The following KLF12 variants were observed in gnomAD, a reference collection of about 807,000 sequenced individuals.
The protein encoded by KLF12 is KLF transcription factor 12, also known as Krueppel-like factor 12.
KLF12 carries 9 observed loss-of-function variants against 37.8 expected under a neutral mutation model. That is an observed-to-expected ratio of 0.24 (90% CI 0.14 to 0.42). The LOEUF (loss-of-function observed/expected upper bound fraction) is 0.42. Ranked by LOEUF, KLF12 falls within the 10% of genes least tolerant of loss-of-function variation. KLF12 has a pLI of 1.00. For synonymous variants in KLF12, 208 were observed against 202.1 expected (o/e 1.03, Z -0.25); for missense variants, 411 against 516.0 (o/e 0.80, Z 1.97).
At chr13:73,874,266 T>C (rs1456859343) in intron 3 of KLF12, among the ~76,000 whole-genome samples, 1 of 152,202 alleles carries the variant, frequency 6.6e-6, no homozygotes, top group East Asian at 1.9e-4. Flanking sequence ...AATAGACAGT[T>C]CTACATAGGT....
intron 3 of KLF12, among the ~76,000 whole-genome samples, chr13:73,864,328 G>A (rs573049700): frequency 6.6e-6 from 1 of 152,046 alleles, no homozygotes; most frequent in African/African-American, 2.4e-5. Flanking sequence ...CCAGTGAGTG[G>A]GATTAAATTA....
chr13:73,979,998 G>A (rs1452426454), intron 2 of KLF12, among the ~76,000 whole-genome samples: 4 of 152,090 alleles, frequency 2.6e-5, no homozygotes, highest in Non-Finnish European at 5.9e-5. Flanking sequence ...CCAGAGAGGG[G>A]GCCTCAGAAA....
chr13:73,971,749 G>C (rs1469272165), intron 2 of KLF12, among the ~76,000 whole-genome samples: 1 of 152,110 alleles, frequency 6.6e-6, no homozygotes, highest in Non-Finnish European at 1.5e-5. Context: ...GAGCTAACAG[G>C]CTCGGCACAA....
At chr13:74,246,089 T>C in the KLF12 span, among the ~76,000 whole-genome samples, 6 of 152,212 alleles carry the variant, frequency 3.9e-5, no homozygotes, top group Non-Finnish European at 7.3e-5. Flanking sequence ...CAAGTGTGCC[T>C]TCCCCAAATG....
In KLF12 at chr13:73,878,723, C is replaced by T. The variant is rs187329343; in HGVS notation, c.124-32350G>A. Among the ~76,000 whole-genome samples the T allele has an allele frequency of 3.3e-5, 5 of 152,218 alleles. No homozygotes were observed. The East Asian group carries it at 9.6e-4, about 29-fold the overall frequency. On this transcript the variant is annotated intron_variant, in intron 3 of 7. Coordinates refer to ENST00000377669, the MANE Select transcript of KLF12 (RefSeq NM_007249.5). ...ACTGAGATTGGGTGTTCATAGAAGG[C>T]CTGCCTGATAAAGTGAGACGTGATC...
chr13:74,014,360 T>C (rs1378000607), intron 1 of KLF12, among the ~76,000 whole-genome samples: 1 of 152,208 alleles, frequency 6.6e-6, no homozygotes, highest in Non-Finnish European at 1.5e-5. Context: ...AATAAAACAT[T>C]AAAACAGCCA....
At chr13:74,266,631 A>G in the KLF12 span, among the ~76,000 whole-genome samples, 1 of 152,198 alleles carries the variant, frequency 6.6e-6, no homozygotes, top group Non-Finnish European at 1.5e-5. Flanking sequence ...GTGACTAATT[A>G]GTAGCCTGAG....
At chr13:74,105,266 G>C (rs1236554212) in intron 1 of KLF12, among the ~76,000 whole-genome samples, 2 of 152,120 alleles carry the variant, frequency 1.3e-5, no homozygotes, top group Non-Finnish European at 2.9e-5. Context: ...TAAAATAGCA[G>C]TATTTTCTAG....
chr13:74,099,661 A>G (rs139836504), intron 1 of KLF12, among the ~76,000 whole-genome samples: 1 of 152,252 alleles, frequency 6.6e-6, no homozygotes, highest in African/African-American at 2.4e-5. Context: ...CATGCAGGGT[A>G]CCAAGGAAGC....
chr13:74,032,337 T>C (rs937935190), intron 1 of KLF12, among the ~76,000 whole-genome samples: 4 of 152,132 alleles, frequency 2.6e-5, no homozygotes, highest in Admixed American at 2.6e-4. Flanking sequence ...GATAATTGCA[T>C]CTAGATACAT....
chr13:74,192,135 C>T, the KLF12 span, among the ~76,000 whole-genome samples: 1 of 151,852 alleles, frequency 6.6e-6, no homozygotes, highest in Non-Finnish European at 1.5e-5. Flanking sequence ...AGCAGAAGAA[C>T]CAATCAAGAG....
chr13:73,932,756 G>C (rs182957273), intron 3 of KLF12, among the ~76,000 whole-genome samples: 171 of 152,236 alleles, frequency 1.1e-3, no homozygotes, highest in Admixed American at 2.0e-3. Flanking sequence ...TAAGGTGAAA[G>C]AGTGATTCAA....
At chr13:74,038,387 C>T (rs1342447592) in intron 1 of KLF12, among the ~76,000 whole-genome samples, 1 of 152,194 alleles carries the variant, frequency 6.6e-6, no homozygotes, top group Non-Finnish European at 1.5e-5. Flanking sequence ...CCTAGCATTG[C>T]TCTACATGCT....
At chr13:74,275,945 A>T in the KLF12 span, among the ~76,000 whole-genome samples, 2 of 106,852 alleles carry the variant, frequency 1.9e-5, no homozygotes, top group Admixed American at 9.7e-5. Flanking sequence ...TTGCTCTATT[A>T]CTTTTATTTA....
In KLF12 at chr13:73,813,193, T is replaced by C; in HGVS notation, c.765A>G (p.Glu255=). 1 of 1,614,088 alleles carries C rather than the reference T, an allele frequency of 6.2e-7. No homozygotes were observed. The highest frequency in any genetic ancestry group is 8.5e-7 in the Non-Finnish European group (1 of 1,179,952). The change falls in exon 5 of 8, where the codon GAA becomes GAG. Residue 255 remains glutamate, a synonymous_variant. Transcript: ENST00000377669. Reference sequence around the variant, plus strand: ...CTATGGAAAGGGCCGTAGATCCAGTTTCATTAACGCTATCTAAGGTCACAT... The same window carrying C: ...CTATGGAAAGGGCCGTAGATCCAGTCTCATTAACGCTATCTAAGGTCACAT...
At chr13:73,836,351 G>GA (rs1182799598) in intron 4 of KLF12, among the ~76,000 whole-genome samples, 1 of 151,960 alleles carries the variant, frequency 6.6e-6, no homozygotes, top group Non-Finnish European at 1.5e-5. Flanking sequence ...AAGGGAGTAA[G>GA]AAAAAAACAG....
At chr13:73,995,911 T>C (rs1317678413) in intron 1 of KLF12, among the ~76,000 whole-genome samples, 1 of 152,232 alleles carries the variant, frequency 6.6e-6, no homozygotes, top group African/African-American at 2.4e-5. Flanking sequence ...CAGTTGACTT[T>C]ATTTTTCATT....
At chr13:74,096,417 AG>A (rs1875991127) in intron 1 of KLF12, among the ~76,000 whole-genome samples, 1 of 152,222 alleles carries the variant, frequency 6.6e-6, no homozygotes, top group Non-Finnish European at 1.5e-5. Context: ...AAACAAAGAC[AG>A]GGACCAAAGA....
chr13:73,748,346 GA>G (rs1309449219), intron 6 of KLF12, among the ~76,000 whole-genome samples: 1 of 152,172 alleles, frequency 6.6e-6, no homozygotes, highest in African/African-American at 2.4e-5. Flanking sequence ...GTTATGGACT[GA>G]ATGTCTGTGT....
Sources: allele counts gnomAD v4.1 joint callset (sites outside exome capture counted in the v4.1 genomes callset), GRCh38; gene constraint gnomAD v4.1.1; transcripts MANE v1.5; gene names NCBI Gene and HGNC (gene_info 2026-07-23, HGNC 2026-07-21).